Variants in TRAPPC9 observed in about 807,000 individuals in gnomAD.
The protein encoded by TRAPPC9 is IKK2 binding protein.
A neutral mutation model predicts 124.0 loss-of-function variants in TRAPPC9; 83 were observed. The observed-to-expected ratio is 0.67, with a 90% CI of 0.56 to 0.80. The LOEUF (loss-of-function observed/expected upper bound fraction) is 0.80, where lower values mean the gene tolerates loss of function less well. Among genes scored for constraint, TRAPPC9 ranks in the 30% least tolerant of loss-of-function variants. The pLI, the probability that TRAPPC9 is intolerant of heterozygous loss-of-function variation, is 0.00. For missense variants in TRAPPC9, 1,302 were observed against 1,508.3 expected, an observed-to-expected ratio of 0.86 and a Z score of 2.27; for synonymous variants, 638 against 617.5, an observed-to-expected ratio of 1.03 and a Z score of -0.49.
intron 19 of TRAPPC9, among the ~76,000 whole-genome samples, chr8:139,915,992 T>G (rs1338928882): frequency 2.0e-5 from 3 of 152,228 alleles, no homozygotes; most frequent in Non-Finnish European, 4.4e-5. Context: ...GGGAATAGAC[T>G]TAAATCCTAG....
intron 21 of TRAPPC9, among the ~76,000 whole-genome samples, chr8:139,774,924 T>C (rs1821252400): frequency 6.6e-6 from 1 of 152,130 alleles, no homozygotes; most frequent in Non-Finnish European, 1.5e-5. Context: ...AGCAAAGTCT[T>C]CAAGTCCCAG....
intron 17 of TRAPPC9, among the ~76,000 whole-genome samples, chr8:140,185,484 AG>A (rs2062331371): frequency 6.6e-6 from 1 of 152,176 alleles, no homozygotes; most frequent in Admixed American, 6.5e-5. Flanking sequence ...GGGCAGCTCT[AG>A]GGGGCTGAGG....
At chr8:139,766,736 G>T (rs1163373558) in intron 21 of TRAPPC9, among the ~76,000 whole-genome samples, 1 of 152,214 alleles carries the variant, frequency 6.6e-6, no homozygotes, top group Non-Finnish European at 1.5e-5. Context: ...ACTCACTGGA[G>T]GGAGACAACA....
At chr8:139,756,628 T>G (rs1819819345) in intron 21 of TRAPPC9, among the ~76,000 whole-genome samples, 2 of 123,120 alleles carry the variant, frequency 1.6e-5, no homozygotes, top group African/African-American at 3.2e-5. Flanking sequence ...AGCCAGGGTT[T>G]GGGGATGAGG....
At chr8:140,369,137 G>A (rs543742521) in intron 8 of TRAPPC9, among the ~76,000 whole-genome samples, 5 of 152,274 alleles carry the variant, frequency 3.3e-5, no homozygotes, top group Non-Finnish European at 2.9e-5. Flanking sequence ...ACCCCTGCTC[G>A]AAGCTAACCA....
chr8:139,919,415 C>T (rs780384868), intron 19 of TRAPPC9, among the ~76,000 whole-genome samples: 2 of 152,072 alleles, frequency 1.3e-5, no homozygotes, highest in Non-Finnish European at 2.9e-5. Context: ...TTAAAGTGGA[C>T]GACGGTGATG....
At chr8:140,178,824 A>C (rs1164667043) in intron 17 of TRAPPC9, among the ~76,000 whole-genome samples, 1 of 152,142 alleles carries the variant, frequency 6.6e-6, no homozygotes, top group Non-Finnish European at 1.5e-5. Context: ...ATTCCGTTTC[A>C]TCTTCAATAA....
chr8:140,080,754 T>C (rs1346601003), intron 17 of TRAPPC9, among the ~76,000 whole-genome samples: 2 of 152,178 alleles, frequency 1.3e-5, no homozygotes, highest in Non-Finnish European at 2.9e-5. Context: ...ATCCAAACCA[T>C]AGCACCTGTC....
chr8:139,746,590 C>G (rs1056940538), intron 21 of TRAPPC9, among the ~76,000 whole-genome samples: 1 of 152,208 alleles, frequency 6.6e-6, no homozygotes, highest in Non-Finnish European at 1.5e-5. Context: ...AGAGCCAGAA[C>G]ACTGTGGAGC....
chr8:140,101,010 T>C (rs529656645), intron 17 of TRAPPC9, among the ~76,000 whole-genome samples: 88 of 152,372 alleles, frequency 5.8e-4, no homozygotes, highest in Non-Finnish European at 9.7e-4. Flanking sequence ...AAGTTGAAAT[T>C]AAGAAATTTT....
intron 17 of TRAPPC9, among the ~76,000 whole-genome samples, chr8:140,177,514 C>G (rs1432069395): frequency 6.6e-6 from 1 of 152,032 alleles, no homozygotes; most frequent in Non-Finnish European, 1.5e-5. Context: ...CTATGTTTAT[C>G]CTTATGCCAA....
chr8:140,066,404 G>C (rs1238425635), intron 17 of TRAPPC9, among the ~76,000 whole-genome samples: 2 of 152,212 alleles, frequency 1.3e-5, no homozygotes, highest in Non-Finnish European at 1.5e-5. Flanking sequence ...AGCTCCTTAA[G>C]AATGGCGATT....
At chr8:140,139,642 G>A (rs2061353948) in intron 17 of TRAPPC9, among the ~76,000 whole-genome samples, 1 of 152,012 alleles carries the variant, frequency 6.6e-6, no homozygotes, top group Non-Finnish European at 1.5e-5. Flanking sequence ...TAACATTGAG[G>A]AAAAGCCAGA....
chr8:140,050,926 G>C lies in TRAPPC9; in HGVS notation c.2557-26847C>G, dbSNP rs1182936058. 2.0e-5 allele frequency among the ~76,000 whole-genome samples: 3 copies of C among 152,226 alleles called. No individual in the cohort carries two copies. In the East Asian group the frequency reaches 5.8e-4, roughly 29 times the overall value. ...CAGCTGGGCATCTTGGCACTCTCAGGTTCTTCTGGACATTGTCTTCCACGC... is the reference window on the plus strand; with the variant it reads ...CAGCTGGGCATCTTGGCACTCTCAGCTTCTTCTGGACATTGTCTTCCACGC... On this transcript the variant is annotated intron_variant, in intron 17 of 22. Coordinates refer to ENST00000438773, the MANE Select transcript of TRAPPC9 (RefSeq NM_001160372.4).
intron 9 of TRAPPC9, among the ~76,000 whole-genome samples, chr8:140,339,849 CT>C (rs1003712239): frequency 4.0e-5 from 6 of 150,294 alleles, no homozygotes; most frequent in Non-Finnish European, 8.9e-5. Context: ...CTGAGATAAA[CT>C]TTTTTTTTTG....
intron 5 of TRAPPC9, among the ~76,000 whole-genome samples, chr8:140,423,355 G>T (rs190705554): frequency 1.2e-4 from 18 of 151,994 alleles, no homozygotes; most frequent in Non-Finnish European, 2.5e-4. Context: ...CAGGAGAATC[G>T]CTTGAACCCA....
intron 19 of TRAPPC9, among the ~76,000 whole-genome samples, chr8:139,967,409 CTT>C (rs1447980905): frequency 6.6e-6 from 1 of 152,244 alleles, no homozygotes; most frequent in Non-Finnish European, 1.5e-5. Context: ...TGGAGAATAA[CTT>C]ATCCTGCACA....
intron 17 of TRAPPC9, among the ~76,000 whole-genome samples, chr8:140,175,527 G>A (rs2062050150): frequency 6.6e-6 from 1 of 152,174 alleles, no homozygotes; most frequent in Non-Finnish European, 1.5e-5. Context: ...ATTAGAAAAT[G>A]TAAGGCTCAC....
At chr8:139,748,963 G>A (rs1819137201) in intron 21 of TRAPPC9, among the ~76,000 whole-genome samples, 1 of 152,126 alleles carries the variant, frequency 6.6e-6, no homozygotes, top group South Asian at 2.1e-4. Flanking sequence ...GACTCCTGGT[G>A]TGTGCAGCAG....
Sources: gnomAD v4.1 joint callset for allele counts (sites outside exome capture counted in the v4.1 genomes callset) on GRCh38, gnomAD v4.1.1 for gene constraint, MANE v1.5 for transcripts, NCBI Gene and HGNC (gene_info 2026-07-23, HGNC 2026-07-21) for gene names.